The following COL8A1 variants were observed in gnomAD, a reference collection of about 807,000 sequenced individuals.
The protein encoded by COL8A1 is collagen alpha-1(VIII) chain.
In COL8A1, 21 loss-of-function variants were observed where a neutral mutation model predicts 42.7. The observed-to-expected ratio is 0.49, with a 90% CI of 0.35 to 0.71. COL8A1 has a LOEUF of 0.71. COL8A1 is among the 30% of genes least tolerant of loss of function. The pLI is 0.01. For synonymous variants in COL8A1, 367 were observed against 369.1 expected, an observed-to-expected ratio of 0.99 and a Z score of 0.06; for missense variants, 788 against 962.4, an observed-to-expected ratio of 0.82 and a Z score of 2.40.
intron 1 of COL8A1, among the ~76,000 whole-genome samples, chr3:99,726,534 A>T (rs1330263148): frequency 6.6e-6 from 1 of 151,422 alleles, no homozygotes; most frequent in Non-Finnish European, 1.5e-5. Flanking sequence ...CTAGGGTTTT[A>T]ATGGTTTTAG....
intron 1 of COL8A1, among the ~76,000 whole-genome samples, chr3:99,644,320 C>T (rs536389667): frequency 1.3e-5 from 2 of 152,158 alleles, no homozygotes; most frequent in Non-Finnish European, 2.9e-5. Context: ...CCTCATTTCA[C>T]CTCCTTTTAG....
At chr3:99,661,051 C>G (rs1412008657) in intron 1 of COL8A1, among the ~76,000 whole-genome samples, 1 of 151,992 alleles carries the variant, frequency 6.6e-6, no homozygotes, top group East Asian at 1.9e-4. Flanking sequence ...GTAATTCCAC[C>G]CTAAGAAGCT....
At chr3:99,766,572 A>T (rs900301759) in intron 2 of COL8A1, among the ~76,000 whole-genome samples, 3 of 152,230 alleles carry the variant, frequency 2.0e-5, no homozygotes, top group Non-Finnish European at 4.4e-5. Flanking sequence ...AATCAACCTC[A>T]AGGAAAAATG....
At chr3:99,671,357 C>T (rs1463062243) in intron 1 of COL8A1, among the ~76,000 whole-genome samples, 1 of 151,746 alleles carries the variant, frequency 6.6e-6, no homozygotes, top group Non-Finnish European at 1.5e-5. Flanking sequence ...GTTTTTTTAA[C>T]TAACAAAAAA....
chr3:99,708,892 G>A (rs1287500821), intron 1 of COL8A1, among the ~76,000 whole-genome samples: 2 of 151,910 alleles, frequency 1.3e-5, no homozygotes, highest in African/African-American at 2.4e-5. Flanking sequence ...GTATTAGGAA[G>A]TATTTCCTGG....
At position 99,761,132 on chromosome 3, in the gene COL8A1, A is replaced by G. The variant is rs550141555; in HGVS notation, c.-4+16111A>G. On this transcript the variant is annotated intron_variant, in intron 2 of 3. Transcript: ENST00000652472. Reference sequence around the variant, plus strand: ...CCCACATGACATGTATATAGAAACAATGATTGAATAAACTTGAGGGGTAGA... The same window carrying G: ...CCCACATGACATGTATATAGAAACAGTGATTGAATAAACTTGAGGGGTAGA... Among the ~76,000 whole-genome samples, 22 of 152,324 alleles carry G rather than the reference A, an allele frequency of 1.4e-4. No individual in the cohort carries two copies. The East Asian group carries it at 4.2e-3, about 29-fold the overall frequency.
chr3:99,721,276 T>G (rs1940143154), intron 1 of COL8A1, among the ~76,000 whole-genome samples: 1 of 146,942 alleles, frequency 6.8e-6, no homozygotes, highest in Non-Finnish European at 1.5e-5. Flanking sequence ...AAAAGACGTT[T>G]AAAATGTCAG....
At chr3:99,746,540 A>G (rs1340982846) in intron 2 of COL8A1, among the ~76,000 whole-genome samples, 1 of 152,222 alleles carries the variant, frequency 6.6e-6, no homozygotes, top group African/African-American at 2.4e-5. Context: ...AAGTATAATA[A>G]TAATGTTAAA....
intron 1 of COL8A1, among the ~76,000 whole-genome samples, chr3:99,741,035 G>A (rs1940885445): frequency 1.3e-5 from 2 of 151,822 alleles, no homozygotes; most frequent in Admixed American, 1.3e-4. Context: ...TTAAAACTCT[G>A]GGTATATAAT....
At position 99,794,090 on chromosome 3, in the gene COL8A1, G is replaced by T; in HGVS notation, c.329-140G>T. The T allele has an allele frequency of 1.8e-6, 1 of 570,612 alleles. No homozygotes were observed. Among genetic ancestry groups the T allele is most frequent in the South Asian group, 3.3e-5 (1 of 30,052 alleles). The allele number at this position is 570,612 out of a possible 1,614,324, so 35.3% of individuals were successfully genotyped here. Reference sequence around the variant, plus strand: ...CTAGAAGATGAGCATATTATTCCTAGTCTTTTCTCTTGATAAGTATTAGGC... The same window carrying T: ...CTAGAAGATGAGCATATTATTCCTATTCTTTTCTCTTGATAAGTATTAGGC... On this transcript the variant is annotated intron_variant, in intron 3 of 3. Coordinates refer to ENST00000652472, the MANE Select transcript of COL8A1 (RefSeq NM_020351.4). This position sits in a 1 kb window ranked among gnomAD's most constrained non-coding sequence, Gnocchi z 4.3.
chr3:99,649,706 C>T (rs1320201563), intron 1 of COL8A1, among the ~76,000 whole-genome samples: 3 of 152,080 alleles, frequency 2.0e-5, no homozygotes, highest in Non-Finnish European at 1.5e-5. Context: ...AAGAACCGCG[C>T]TTCCACATTC....
At chr3:99,697,440 T>G (rs1462711651) in intron 1 of COL8A1, among the ~76,000 whole-genome samples, 1 of 152,216 alleles carries the variant, frequency 6.6e-6, no homozygotes, top group Non-Finnish European at 1.5e-5. Flanking sequence ...GACTCAGAAT[T>G]AAATTAGTCA....
chr3:99,693,030 G>C lies in COL8A1; in HGVS notation c.-128-51867G>C, dbSNP rs189768524. On this transcript the variant is annotated intron_variant, in intron 1 of 3. Coordinates refer to ENST00000652472, the MANE Select transcript of COL8A1 (RefSeq NM_020351.4). ...AAAAATTAGCCAGGCGTGGTGGCGTGTGTTTGTAATCCCAGCTACTTGAGA... is the reference window on the plus strand; with the variant it reads ...AAAAATTAGCCAGGCGTGGTGGCGTCTGTTTGTAATCCCAGCTACTTGAGA... Among the ~76,000 whole-genome samples the C allele has an allele frequency of 3.3e-5, 5 of 152,216 alleles. No homozygotes were observed. The East Asian group carries it at 5.8e-4, about 18-fold the overall frequency.
rs187489629 is a variant in COL8A1, at chr3:99,653,314, G to A, written c.-129+14650G>A. Among the ~76,000 whole-genome samples, 814 of 152,258 alleles carry A rather than the reference G, an allele frequency of 5.3e-3. 3 individuals are homozygous for A. The highest frequency in any genetic ancestry group is 9.0e-3 in the Non-Finnish European group (614 of 68,036). On this transcript the variant is annotated intron_variant, in intron 1 of 3. Transcript: ENST00000652472. ...GAACTCTTTACTATGCCAGAGTCCT[G>A]CTGTGCATTGGTCATGGTGGCAGTG...
intron 2 of COL8A1, among the ~76,000 whole-genome samples, chr3:99,784,841 T>C (rs1004172099): frequency 1.3e-5 from 2 of 152,222 alleles, no homozygotes; most frequent in African/African-American, 4.8e-5. Flanking sequence ...GAGATAATGC[T>C]GAGTTACTTA....
intron 1 of COL8A1, among the ~76,000 whole-genome samples, chr3:99,740,987 A>T (rs758007874): frequency 4.4e-4 from 67 of 152,100 alleles, no homozygotes; most frequent in Non-Finnish European, 7.6e-4. Flanking sequence ...TTAGTTCCTT[A>T]TCTGAATTCC....
intron 1 of COL8A1, among the ~76,000 whole-genome samples, chr3:99,696,887 C>CT (rs1170331640): frequency 2.0e-5 from 3 of 152,172 alleles, no homozygotes; most frequent in Admixed American, 6.5e-5. Context: ...CCTCTTAAAC[C>CT]CACTTTTTTC....
At chr3:99,653,292 C>A (rs754981402) in intron 1 of COL8A1, among the ~76,000 whole-genome samples, 3 of 152,122 alleles carry the variant, frequency 2.0e-5, no homozygotes, top group Non-Finnish European at 4.4e-5. Flanking sequence ...ATTTAATGAA[C>A]TCTTTACTAT....
At chr3:99,776,200 G>C (rs1459224568) in intron 2 of COL8A1, among the ~76,000 whole-genome samples, 2 of 152,188 alleles carry the variant, frequency 1.3e-5, no homozygotes, top group African/African-American at 4.8e-5. Context: ...GATCTGATGA[G>C]ATTGTAAGCA....
Sources: allele counts gnomAD v4.1 joint callset (sites outside exome capture counted in the v4.1 genomes callset), GRCh38; gene constraint gnomAD v4.1.1; non-coding constraint Gnocchi (gnomAD v3.1); transcripts MANE v1.5; gene names NCBI Gene and HGNC (gene_info 2026-07-23, HGNC 2026-07-21).